Variants in FBXO30 observed in about 807,000 individuals in gnomAD.
FBXO30 encodes F-box only protein 30.
Under a neutral mutation model 58.1 loss-of-function variants are expected in FBXO30, and 21 were observed. The observed-to-expected ratio is 0.36, with a 90% CI of 0.26 to 0.52. FBXO30 has a LOEUF of 0.52. FBXO30 is among the 20% of genes least tolerant of loss of function. The probability of loss-of-function intolerance (pLI) is 0.93; values close to 1 mark genes in which losing one functional copy is unlikely to be tolerated. For missense variants in FBXO30, 744 were observed against 897.3 expected (o/e 0.83, Z 2.18); for synonymous variants, 309 against 312.4 (o/e 0.99, Z 0.11).
Position 145,805,525 on chromosome 6 carries a change from G to A in FBXO30, c.881C>T (p.Thr294Ile). The change falls in exon 2 of 3, where the codon ACC (threonine) becomes ATC (isoleucine). Residue 294 changes from threonine to isoleucine, a missense_variant. Around this residue, in one of 3 missense-constraint regions of FBXO30, gnomAD observed 275 missense variants for 262.0 expected, o/e 1.05. Transcript: ENST00000237281. ...ATTCTGATTCTGGTCTATGACCTGG[G>A]TACATATATTTTCCAAAGGAAAGCC... is the stretch of plus-strand genomic sequence containing the variant. ...CNGFPLENICTQVIDQNQNLH... is the reference protein window; with the variant it reads ...CNGFPLENICIQVIDQNQNLH... 2 of 1,606,780 alleles carry A rather than the reference G, an allele frequency of 1.2e-6. No homozygotes were observed. Among genetic ancestry groups the A allele is most frequent in the Non-Finnish European group, 1.7e-6 (2 of 1,177,006 alleles).
intron 2 of FBXO30, among the ~76,000 whole-genome samples, chr6:145,802,383 G>C (rs1486112457): frequency 6.6e-6 from 1 of 152,134 alleles, no homozygotes; most frequent in Non-Finnish European, 1.5e-5. Context: ...GATTATATAA[G>C]TTCATACAAG....
chr6:145,804,585 T>A lies in FBXO30; in HGVS notation c.1821A>T (p.Gly607=). The change falls in exon 2 of 3, where the codon GGA becomes GGT. Residue 607 remains glycine (G), a synonymous_variant. Transcript: ENST00000237281. ...GACTACTTAGATGGTCATTATGTAATCCCAACACACAGTTTCTAGCAGGCT... is the reference window on the plus strand; with the variant it reads ...GACTACTTAGATGGTCATTATGTAAACCCAACACACAGTTTCTAGCAGGCT... ...LVEPARNCVL[G]LHNDHLSSLP... The A allele has an allele frequency of 6.2e-7, 1 of 1,613,710 alleles. No homozygotes were observed. The highest frequency in any genetic ancestry group is 8.5e-7 in the Non-Finnish European group (1 of 1,179,814).
intron 1 of FBXO30, among the ~76,000 whole-genome samples, chr6:145,807,249 G>C: frequency 6.6e-6 from 1 of 152,166 alleles, no homozygotes; most frequent in Admixed American, 6.6e-5. Context: ...TTTTTATGTG[G>C]TCAATTTGAC....
At position 145,793,981 on chromosome 6, in the gene FBXO30, AAAATACACATC is replaced by A. The variant is rs151335839; in HGVS notation, c.*6114_*6124del. ...AAATTCTTTTCTTTTTAATTGTAAT[AAAATACACATC>A]AAATACACCATTTTAAAGTATACAA... is the stretch of plus-strand genomic sequence containing the variant. On this transcript the variant is annotated 3_prime_UTR_variant, in exon 3 of 3. Coordinates refer to ENST00000237281, the MANE Select transcript of FBXO30 (RefSeq NM_032145.5). 5.1e-3 allele frequency: 772 copies of A among 152,140 alleles called. 4 individuals carry two copies. Among genetic ancestry groups the A allele is most frequent in the African/African-American group, 0.018 (752 of 41,560 alleles). 9.4% of individuals were successfully genotyped at this position (152,140 alleles called of 1,614,324 possible). A position where few individuals can be genotyped will look rare whatever the true frequency, so the allele number is the denominator to read the frequency against.
At chr6:145,808,616 G>A (rs948775474) in intron 1 of FBXO30, among the ~76,000 whole-genome samples, 10 of 152,028 alleles carry the variant, frequency 6.6e-5, no homozygotes, top group Admixed American at 2.6e-4. Flanking sequence ...CTGAAAATCC[G>A]TCTATACATG....
intron 1 of FBXO30, among the ~76,000 whole-genome samples, chr6:145,806,638 T>C (rs1391000924): frequency 1.3e-5 from 2 of 152,206 alleles, no homozygotes; most frequent in Admixed American, 6.5e-5. Context: ...TACTGTAGAA[T>C]GTCATAACGG....
chr6:145,801,657 C>T (rs868135154), intron 2 of FBXO30, among the ~76,000 whole-genome samples: 1 of 151,824 alleles, frequency 6.6e-6, no homozygotes, highest in Non-Finnish European at 1.5e-5. Flanking sequence ...ATAGAAAGTC[C>T]CCATTGTTCA....
At position 145,794,949 on chromosome 6, in the gene FBXO30, G is replaced by A. The variant is rs1315449411; in HGVS notation, c.*5157C>T. ...GCAATAATGACAATATGGAAAAGAA[G>A]ATTTCAACACAAAAAAAAATTCTAG... On this transcript the variant is annotated 3_prime_UTR_variant, in exon 3 of 3. Coordinates refer to ENST00000237281, the MANE Select transcript of FBXO30 (RefSeq NM_032145.5). 2 of 151,530 alleles carry A rather than the reference G, an allele frequency of 1.3e-5. No homozygotes were observed. 9.4% of individuals were successfully genotyped at this position (151,530 alleles called of 1,614,324 possible). A position where few individuals can be genotyped will look rare whatever the true frequency, so the allele number is the denominator to read the frequency against.
In FBXO30 at chr6:145,799,161, A is replaced by G. The variant is rs1340077685; in HGVS notation, c.*945T>C. The G allele has an allele frequency of 6.6e-6, 1 of 152,206 alleles. No homozygotes were observed. Among genetic ancestry groups the G allele is most frequent in the Admixed American group, 6.6e-5 (1 of 15,256 alleles). 9.4% of individuals were successfully genotyped at this position (152,206 alleles called of 1,614,324 possible). A position where few individuals can be genotyped will look rare whatever the true frequency, so the allele number is the denominator to read the frequency against. ...TCTACATGATTGTCATTTTACAAAGATAACAAATTTCACGTTTTTAAATGT... is the reference window on the plus strand; with the variant it reads ...TCTACATGATTGTCATTTTACAAAGGTAACAAATTTCACGTTTTTAAATGT... On this transcript the variant is annotated 3_prime_UTR_variant, in exon 3 of 3. Transcript: ENST00000237281.
intron 1 of FBXO30, chr6:145,809,765 T>A (rs1778283765): frequency 6.6e-6 from 1 of 152,204 alleles, no homozygotes; most frequent in African/African-American, 2.4e-5. Context: ...CACATCTTTA[T>A]AACAACCTGG....
Position 145,800,326 on chromosome 6 carries a change from C to A in FBXO30, c.2035-17G>T. ...TCGCCATACCTACAAGAAAATTCTACTTTAGATTTAAACAAGTCAATGTGT... is the reference window on the plus strand; with the variant it reads ...TCGCCATACCTACAAGAAAATTCTAATTTAGATTTAAACAAGTCAATGTGT... On this transcript the variant is annotated splice_polypyrimidine_tract_variant and intron_variant, in intron 2 of 2. Coordinates refer to ENST00000237281, the MANE Select transcript of FBXO30 (RefSeq NM_032145.5). 2 of 1,606,138 alleles carry A rather than the reference C, an allele frequency of 1.2e-6. No individual in the cohort carries two copies. The highest frequency in any genetic ancestry group is 1.7e-6 in the Non-Finnish European group (2 of 1,174,294).
chr6:145,800,595 TA>T (rs1562558408), intron 2 of FBXO30, among the ~76,000 whole-genome samples: 1 of 152,110 alleles, frequency 6.6e-6, no homozygotes, highest in African/African-American at 2.4e-5. Context: ...AAATGATTTT[TA>T]AAAAATCAAA....
In FBXO30 at chr6:145,806,315, T is replaced by A. The variant is rs1778166137; in HGVS notation, c.91A>T (p.Ile31Phe). 1 of 1,613,824 alleles carries A rather than the reference T, an allele frequency of 6.2e-7. No individual in the cohort carries two copies. The highest frequency in any genetic ancestry group is 1.3e-5 in the African/African-American group (1 of 74,872). The change falls in exon 2 of 3, where the codon ATT becomes TTT. Residue 31 changes from isoleucine (I) to phenylalanine (F), a missense_variant. Physicochemically the swap from Ile to Phe is conservative, Grantham distance 21 (BLOSUM62 0). Coordinates refer to ENST00000237281, the MANE Select transcript of FBXO30 (RefSeq NM_032145.5). ...GCACCACAAACCAATGGACAACCAA[T>A]CAAATCACAGGAAATCCCTGGCTCT... ...RPEPGISCDLIGCPLVCGAVF... is the reference protein window; with the variant it reads ...RPEPGISCDLFGCPLVCGAVF...
At chr6:145,814,560 C>A (rs1012094024) in intron 1 of FBXO30, 43 bp downstream of exon 1, 2 of 151,752 alleles carry the variant, frequency 1.3e-5, no homozygotes, top group African/African-American at 4.8e-5. Context: ...CCCGCCGCAG[C>A]GCGGACGGCG....
chr6:145,806,434 A>G lies in FBXO30; in HGVS notation c.-16-13T>C, dbSNP rs755191203. ...GGCCAGTCCAGCTCTGGTTGATGAA[A>G]TGGAAAAAGATAAGAAATTAGCCAA... On this transcript the variant is annotated splice_polypyrimidine_tract_variant and intron_variant, in intron 1 of 2. Transcript: ENST00000237281. 18 of 1,582,962 alleles carry G rather than the reference A, an allele frequency of 1.1e-5. No homozygotes were observed. The highest frequency in any genetic ancestry group is 4.1e-5 in the African/African-American group (3 of 73,442).
rs750121035 is a variant in FBXO30, at chr6:145,804,802, T to G, written c.1604A>C (p.His535Pro). The change falls in exon 2 of 3, where the codon CAC becomes CCC. Residue 535 changes from histidine (H) to proline (P), a missense_variant. Physicochemically the swap from His to Pro is moderately conservative, Grantham distance 77. Coordinates refer to ENST00000237281, the MANE Select transcript of FBXO30 (RefSeq NM_032145.5). ...QLFRRKEFSS[H>P]FKNVHGDIHA... ...AATGTCACCATGCACATTCTTAAAG[T>G]GGGAAGAAAATTCTTTCCTTCTAAA... 1 of 1,613,954 alleles carries G rather than the reference T, an allele frequency of 6.2e-7. No homozygotes were observed. Among genetic ancestry groups the G allele is most frequent in the Non-Finnish European group, 8.5e-7 (1 of 1,179,908 alleles).
rs574109725 is a variant in FBXO30 at position 145,795,667 on chromosome 6, A to G, written c.*4439T>C. ...CATTTCTTTGTAGTTTATTAATGAA[A>G]AGTCACTCTCCACATAATACATTGA... On this transcript the variant is annotated 3_prime_UTR_variant, in exon 3 of 3. Coordinates refer to ENST00000237281, the MANE Select transcript of FBXO30 (RefSeq NM_032145.5). 27 of 152,004 alleles carry G rather than the reference A, an allele frequency of 1.8e-4. 1 individual carries two copies. The highest frequency in any genetic ancestry group is 5.8e-4 in the African/African-American group (24 of 41,526). The allele number at this position is 152,004 out of a possible 1,614,324, so 9.4% of individuals were successfully genotyped here.
rs1363728914 is a variant in FBXO30, at chr6:145,796,573, A to C, written c.*3533T>G. On this transcript the variant is annotated 3_prime_UTR_variant, in exon 3 of 3. Transcript: ENST00000237281. Reference sequence around the variant, plus strand: ...TGCTTTCTCTCTACTGCACTTCTAAACAACCAACTCTGCAAGCTCCAATCA... The same window carrying C: ...TGCTTTCTCTCTACTGCACTTCTAACCAACCAACTCTGCAAGCTCCAATCA... 1 of 152,034 alleles carries C rather than the reference A, an allele frequency of 6.6e-6. No individual in the cohort carries two copies. Among genetic ancestry groups the C allele is most frequent in the Admixed American group, 6.6e-5 (1 of 15,230 alleles). 9.4% of individuals were successfully genotyped at this position (152,034 alleles called of 1,614,324 possible). A position where few individuals can be genotyped will look rare whatever the true frequency, so the allele number is the denominator to read the frequency against.
Position 145,806,513 on chromosome 6 carries a change from T to C in FBXO30, c.-16-92A>G, listed in dbSNP as rs1778173753. On this transcript the variant is annotated intron_variant, in intron 1 of 2. Coordinates refer to ENST00000237281, the MANE Select transcript of FBXO30 (RefSeq NM_032145.5). Reference sequence around the variant, plus strand: ...ATAATTAAATCACTAATTTATCTAATATCTTGGTTTATTTTAGGATGACAT... The same window carrying C: ...ATAATTAAATCACTAATTTATCTAACATCTTGGTTTATTTTAGGATGACAT... 4 of 915,414 alleles carry C rather than the reference T, an allele frequency of 4.4e-6. No homozygotes were observed. In the Admixed American group the frequency reaches 1.0e-4, roughly 23 times the overall value. The allele number at this position is 915,414 out of a possible 1,614,324, so 56.7% of individuals were successfully genotyped here.
Sources: gnomAD v4.1 joint callset for allele counts (sites outside exome capture counted in the v4.1 genomes callset) on GRCh38, gnomAD v4.1.1 for gene constraint, gnomAD v4.1.1 regional missense constraint, MANE v1.5 for transcripts, NCBI Gene and HGNC (gene_info 2026-07-23, HGNC 2026-07-21) for gene names.